RXFP1: variants seen among roughly 807,000 people sequenced by gnomAD.
RXFP1 encodes relaxin family peptide receptor 1, also known as relaxin receptor 1.
RXFP1 carries 73 observed loss-of-function variants against 89.8 expected under a neutral mutation model. The observed-to-expected ratio is 0.81, with a 90% confidence interval of 0.67 to 0.99. The LOEUF (loss-of-function observed/expected upper bound fraction) is 0.99. Among genes scored for constraint, RXFP1 ranks in the 50% least tolerant of loss-of-function variants. RXFP1 has a pLI of 0.00. For missense variants in RXFP1, 793 were observed against 895.5 expected (o/e 0.89, Z 1.46); for synonymous variants, 277 against 305.5 (o/e 0.91, Z 0.97).
chr4:158,525,259 A>G (rs189461576), intron 1 of RXFP1, among the ~76,000 whole-genome samples: 1 of 148,604 alleles, frequency 6.7e-6, no homozygotes, highest in Non-Finnish European at 1.5e-5. Context: ...GTATAAATTT[A>G]TGGGGCATGA....
At chr4:158,615,766 A>C (rs1764439259) in intron 8 of RXFP1, among the ~76,000 whole-genome samples, 1 of 151,708 alleles carries the variant, frequency 6.6e-6, no homozygotes, top group Admixed American at 6.6e-5. Flanking sequence ...CAATATAGCA[A>C]GACCCCATCT....
intron 6 of RXFP1, among the ~76,000 whole-genome samples, chr4:158,609,840 A>T (rs2150125291): frequency 6.6e-6 from 1 of 152,258 alleles, no homozygotes; most frequent in Admixed American, 6.5e-5. Context: ...TTTACTAAAC[A>T]CTATCTGTTT....
chr4:158,557,857 G>T (rs1268529645), intron 1 of RXFP1, among the ~76,000 whole-genome samples: 1 of 152,156 alleles, frequency 6.6e-6, no homozygotes, highest in African/African-American at 2.4e-5. Flanking sequence ...CTTCACTGGA[G>T]CTCCAGTAGG....
chr4:158,638,864 A>C (rs567780102), intron 13 of RXFP1, among the ~76,000 whole-genome samples: 6 of 151,996 alleles, frequency 3.9e-5, no homozygotes, highest in African/African-American at 1.4e-4. Flanking sequence ...GTGTTCCCTC[A>C]GTAAAATGAC....
chr4:158,570,206 A>C (rs886925358), intron 1 of RXFP1, among the ~76,000 whole-genome samples: 5 of 152,208 alleles, frequency 3.3e-5, no homozygotes, highest in Non-Finnish European at 7.3e-5. Flanking sequence ...AATTCCAACA[A>C]GGCTGGAGCC....
At chr4:158,632,281 A>AT (rs976512065) in intron 11 of RXFP1, among the ~76,000 whole-genome samples, 11 of 152,180 alleles carry the variant, frequency 7.2e-5, no homozygotes, top group Non-Finnish European at 1.6e-4. Flanking sequence ...TTAGCCACTT[A>AT]TTTTTAGTTT....
chr4:158,550,350 C>G (rs192497754), intron 1 of RXFP1, among the ~76,000 whole-genome samples: 1 of 152,316 alleles, frequency 6.6e-6, no homozygotes, highest in Non-Finnish European at 1.5e-5. Context: ...TGCTGTCTGT[C>G]ACCGCTTTCT....
intron 2 of RXFP1, among the ~76,000 whole-genome samples, chr4:158,593,086 C>CAA (rs757557258): frequency 2.1e-5 from 2 of 94,798 alleles, no homozygotes; most frequent in Admixed American, 1.1e-4. Context: ...GACTCTGTCT[C>CAA]AAAAAAAAAA....
In RXFP1 at chr4:158,572,778, C is replaced by T; in HGVS notation, c.130C>T (p.Leu44Phe). 3.1e-6 allele frequency: 5 copies of T among 1,614,192 alleles called. No homozygotes were observed. The highest frequency in any genetic ancestry group is 4.2e-6 in the Non-Finnish European group (5 of 1,180,032). The change falls in exon 2 of 18, where the codon CTC becomes TTC. Residue 44 changes from leucine to phenylalanine, a missense_variant. Transcript: ENST00000307765. The part of the protein sequence containing the change: ...CGNITKCLPQ[L>F]LHCNGVDDCG... The stretch of plus-strand genomic sequence containing the variant: ...GAACATCACAAAGTGCTTGCCTCAG[C>T]TCCTGCACTGTAACGGTGTGGACGA...
chr4:158,651,263 A>G (rs1235954257), intron 17 of RXFP1, among the ~76,000 whole-genome samples: 1 of 152,234 alleles, frequency 6.6e-6, no homozygotes, highest in Non-Finnish European at 1.5e-5. Context: ...AGAAATAAAT[A>G]TCTGGTCAAA....
chr4:158,597,302 TATA>T (rs1760818821), intron 3 of RXFP1, among the ~76,000 whole-genome samples: 1 of 152,152 alleles, frequency 6.6e-6, no homozygotes, highest in Admixed American at 6.6e-5. Context: ...TAATGGAAAA[TATA>T]ATATCTATCA....
chr4:158,525,227 G>T (rs1742204880), intron 1 of RXFP1, among the ~76,000 whole-genome samples: 1 of 151,510 alleles, frequency 6.6e-6, no homozygotes, highest in Admixed American at 6.6e-5. Flanking sequence ...GGCGGGGGGG[G>T]GTTGGGTTTT....
chr4:158,537,670 A>G (rs751919112), intron 1 of RXFP1, among the ~76,000 whole-genome samples: 1 of 152,174 alleles, frequency 6.6e-6, no homozygotes, highest in Non-Finnish European at 1.5e-5. Context: ...ACTTCCTACA[A>G]TATGCCAAGC....
At chr4:158,618,826 T>C (rs1202876838) in intron 9 of RXFP1, among the ~76,000 whole-genome samples, 1 of 151,996 alleles carries the variant, frequency 6.6e-6, no homozygotes. Context: ...TGAGAAACTG[T>C]AAATGCCACA....
intron 1 of RXFP1, among the ~76,000 whole-genome samples, chr4:158,568,151 A>T (rs550434122): frequency 8.0e-4 from 122 of 152,284 alleles, no homozygotes; most frequent in Non-Finnish European, 1.4e-3. Context: ...AACCCACCAG[A>T]AGGAAGAAAC....
In RXFP1 at chr4:158,651,995, C is replaced by G. The variant is rs370806249; in HGVS notation, c.2214C>G (p.Phe738Leu). The change falls in exon 18 of 18, where the codon TTC (phenylalanine) becomes TTG (leucine). Residue 738 changes from phenylalanine (F) to leucine (L), a missense_variant. Physicochemically the swap from Phe to Leu is conservative, Grantham distance 22. Transcript: ENST00000307765. ...MPPELMKPDLFTYPCEMSLIS... is the reference protein window; with the variant it reads ...MPPELMKPDLLTYPCEMSLIS... ...CTGAGTTAATGAAGCCGGACCTTTT[C>G]ACATACCCCTGTGAAATGTCACTGA... is the stretch of plus-strand genomic sequence containing the variant. 6.2e-7 allele frequency: 1 copy of G among 1,614,032 alleles called. No homozygotes were observed. Among genetic ancestry groups the G allele is most frequent in the African/African-American group, 1.3e-5 (1 of 74,932 alleles).
At chr4:158,635,127 A>G (rs371279058) in intron 12 of RXFP1, among the ~76,000 whole-genome samples, 5 of 151,670 alleles carry the variant, frequency 3.3e-5, no homozygotes, top group Non-Finnish European at 7.4e-5. Context: ...CAATACTGAC[A>G]TCTTAATATT....
At chr4:158,623,586 A>G (rs1374506750) in intron 9 of RXFP1, among the ~76,000 whole-genome samples, 1 of 151,892 alleles carries the variant, frequency 6.6e-6, no homozygotes, top group South Asian at 2.1e-4. Context: ...AATAAATAAC[A>G]TAATTAGTAA....
chr4:158,528,367 G>A (rs891144945), intron 1 of RXFP1, among the ~76,000 whole-genome samples: 2 of 152,148 alleles, frequency 1.3e-5, no homozygotes, highest in East Asian at 1.9e-4. Context: ...TTAGCCAGTC[G>A]TGGTGGCAAG....
Sources: gnomAD v4.1 joint callset for allele counts (sites outside exome capture counted in the v4.1 genomes callset) on GRCh38, gnomAD v4.1.1 for gene constraint, MANE v1.5 for transcripts, NCBI Gene and HGNC (gene_info 2026-07-23, HGNC 2026-07-21) for gene names.